Variants in CCDC102B observed in about 807,000 individuals in gnomAD.
CCDC102B encodes the protein coiled-coil domain containing 102B.
In CCDC102B, 75 loss-of-function variants were observed where a neutral mutation model predicts 57.4. That is an observed-to-expected ratio of 1.31 (90% CI 1.08 to 1.58). CCDC102B has a LOEUF of 1.58. Ranked by LOEUF, CCDC102B falls within the 40% of genes most tolerant of loss-of-function variation. CCDC102B has a pLI of 0.00. For missense variants in CCDC102B, 636 were observed against 582.6 expected (o/e 1.09, Z -0.94); for synonymous variants, 206 against 201.9 (o/e 1.02, Z -0.17).
rs139377520 is a variant in CCDC102B, at chr18:69,014,978, A to AGAGTGTGTGTGTGTGTGTGTGTGTGT, written c.1434+3875_1434+3876insAGTGTGTGTGTGTGTGTGTGTGTGTG. Among the ~76,000 whole-genome samples, 922 of 139,302 alleles carry AGAGTGTGTGTGTGTGTGTGTGTGTGT rather than the reference A, an allele frequency of 6.6e-3. 8 individuals are homozygous for AGAGTGTGTGTGTGTGTGTGTGTGTGT. The highest frequency in any genetic ancestry group is 0.018 in the Middle Eastern group (5 of 272). The allele number at this position is 139,302 out of a possible 152,430, so 91.4% of individuals were successfully genotyped here. On this transcript the variant is annotated intron_variant, in intron 7 of 7. Transcript: ENST00000360242. ...GTGAATGAGAGAGAGAGAGAGAGAG[A>AGAGTGTGTGTGTGTGTGTGTGTGTGT]GTGTGTGTGTGTGTGTGTGTGTGTG...
At chr18:68,956,036 G>T (rs578073213) in intron 6 of CCDC102B, among the ~76,000 whole-genome samples, 1 of 151,020 alleles carries the variant, frequency 6.6e-6, no homozygotes, top group South Asian at 2.1e-4. Flanking sequence ...TAATTTTATA[G>T]CTCCCATAAG....
intron 7 of CCDC102B, among the ~76,000 whole-genome samples, chr18:69,019,700 T>C (rs548713418): frequency 1.3e-5 from 2 of 152,106 alleles, no homozygotes; most frequent in African/African-American, 4.8e-5. Flanking sequence ...TTTTCCAATT[T>C]AGACAGCTTT....
intron 1 of CCDC102B, among the ~76,000 whole-genome samples, chr18:68,810,109 A>C (rs961047495): frequency 1.3e-5 from 2 of 152,220 alleles, no homozygotes; most frequent in Non-Finnish European, 2.9e-5. Flanking sequence ...ATTTAGAGAT[A>C]GATTTGAAAG....
chr18:68,935,253 C>A (rs1244015779), intron 6 of CCDC102B, among the ~76,000 whole-genome samples: 1 of 151,898 alleles, frequency 6.6e-6, no homozygotes, highest in Admixed American at 6.6e-5. Flanking sequence ...GTGCAAGAAA[C>A]ACAGTGGCAG....
At chr18:68,844,566 T>A (rs2037775422) in intron 3 of CCDC102B, among the ~76,000 whole-genome samples, 1 of 151,862 alleles carries the variant, frequency 6.6e-6, no homozygotes, top group African/African-American at 2.4e-5. Flanking sequence ...ATTTTCAATG[T>A]AAATTCACAG....
intron 6 of CCDC102B, among the ~76,000 whole-genome samples, chr18:68,901,350 C>T (rs936179918): frequency 1.3e-5 from 2 of 152,038 alleles, no homozygotes; most frequent in African/African-American, 4.8e-5. Context: ...AATTATAAGC[C>T]TTTGAAACCA....
chr18:68,761,099 G>A (rs765516772), intron 2 of CCDC102B, among the ~76,000 whole-genome samples: 8 of 152,008 alleles, frequency 5.3e-5, no homozygotes, highest in Non-Finnish European at 8.8e-5. Context: ...GCTCTGTGCC[G>A]TGGAACACAG....
At chr18:68,832,280 A>C (rs2144771777) in intron 1 of CCDC102B, among the ~76,000 whole-genome samples, 1 of 152,310 alleles carries the variant, frequency 6.6e-6, no homozygotes, top group East Asian at 1.9e-4. Context: ...AATACATAAA[A>C]TGTCACTTGG....
At chr18:68,820,785 A>G (rs1389822611) in intron 1 of CCDC102B, among the ~76,000 whole-genome samples, 2 of 152,172 alleles carry the variant, frequency 1.3e-5, no homozygotes, top group African/African-American at 4.8e-5. Context: ...GTGAGCAGAA[A>G]CAAGCATGGA....
At chr18:68,982,900 C>G (rs1327968210) in intron 6 of CCDC102B, among the ~76,000 whole-genome samples, 2 of 151,706 alleles carry the variant, frequency 1.3e-5, no homozygotes, top group African/African-American at 4.8e-5. Flanking sequence ...TATAATGTAT[C>G]TCACATATTT....
chr18:68,993,534 G>C (rs2050933699), intron 6 of CCDC102B, among the ~76,000 whole-genome samples: 1 of 152,056 alleles, frequency 6.6e-6, no homozygotes, highest in African/African-American at 2.4e-5. Flanking sequence ...CTACATATTA[G>C]TGTACTCACA....
chr18:68,773,513 G>C, intron 2 of CCDC102B, among the ~76,000 whole-genome samples: 1 of 151,788 alleles, frequency 6.6e-6, no homozygotes, highest in East Asian at 1.9e-4. Flanking sequence ...AAATTGCCTC[G>C]TTATATTGTA....
chr18:68,991,567 G>T (rs1163351969), intron 6 of CCDC102B, among the ~76,000 whole-genome samples: 4 of 152,134 alleles, frequency 2.6e-5, no homozygotes, highest in Non-Finnish European at 5.9e-5. Flanking sequence ...CTGTAAAATA[G>T]AAAAAGAACT....
At chr18:69,016,330 A>G (rs2051667728) in intron 7 of CCDC102B, among the ~76,000 whole-genome samples, 1 of 152,182 alleles carries the variant, frequency 6.6e-6, no homozygotes, top group Admixed American at 6.5e-5. Flanking sequence ...AACTGAAATC[A>G]CAAGGTTAAG....
Position 68,934,847 on chromosome 18 carries a change from C to G in CCDC102B, c.1263+37419C>G, listed in dbSNP as rs552649113. On this transcript the variant is annotated intron_variant, in intron 6 of 7. Coordinates refer to ENST00000360242, the MANE Select transcript of CCDC102B (RefSeq NM_024781.3). The stretch of plus-strand genomic sequence containing the variant: ...TATTTAGTACCTCCTCTGCTTTACA[C>G]TGTTCTTAAGATATAGGTACGTTTC... Among the ~76,000 whole-genome samples the G allele has an allele frequency of 2.6e-5, 4 of 151,842 alleles. 1 individual carries two copies. In the South Asian group the frequency reaches 6.2e-4, roughly 24 times the overall value.
rs566090731 is a variant in CCDC102B, at chr18:68,999,461, C to A, written c.1264-11473C>A. 3.4e-4 allele frequency among the ~76,000 whole-genome samples: 49 copies of A among 145,004 alleles called. No individual in the cohort carries two copies. In the Middle Eastern group the frequency reaches 0.018, roughly 52 times the overall value. ...AAAATAGTAAAAAAAAAAAAAAAAACCCAGTATGGTGGTGCATGCCTGTAA... is the reference window on the plus strand; with the variant it reads ...AAAATAGTAAAAAAAAAAAAAAAAAACCAGTATGGTGGTGCATGCCTGTAA... On this transcript the variant is annotated intron_variant, in intron 6 of 7. Coordinates refer to ENST00000360242, the MANE Select transcript of CCDC102B (RefSeq NM_024781.3).
intron 2 of CCDC102B, among the ~76,000 whole-genome samples, chr18:68,765,953 CAT>C (rs1210110487): frequency 6.6e-6 from 1 of 151,878 alleles, no homozygotes; most frequent in African/African-American, 2.4e-5. Flanking sequence ...CTTTTAAGGA[CAT>C]AGCAGTTTTG....
chr18:68,934,066 G>A lies in CCDC102B; in HGVS notation c.1263+36638G>A, dbSNP rs1002282575. ...ATTACTGATGAAAAATTATGTCACC[G>A]AGGCAGTTAATTTCTACTATGTCCA... On this transcript the variant is annotated intron_variant, in intron 6 of 7. Transcript: ENST00000360242. Among the ~76,000 whole-genome samples the A allele has an allele frequency of 4.0e-5, 6 of 151,722 alleles. 1 individual carries two copies. Among genetic ancestry groups the A allele is most frequent in the African/African-American group, 9.7e-5 (4 of 41,358 alleles).
chr18:69,033,817 T>C (rs1235483146), intron 7 of CCDC102B, among the ~76,000 whole-genome samples: 1 of 152,048 alleles, frequency 6.6e-6, no homozygotes, highest in Non-Finnish European at 1.5e-5. Context: ...TCACATGCAA[T>C]GTTAGAGGAT....
Sources: gnomAD v4.1 joint callset for allele counts (sites outside exome capture counted in the v4.1 genomes callset) on GRCh38, gnomAD v4.1.1 for gene constraint, MANE v1.5 for transcripts, NCBI Gene and HGNC (gene_info 2026-07-23, HGNC 2026-07-21) for gene names.